Variants in SCN10A observed in about 807,000 individuals in gnomAD.
SCN10A encodes sodium voltage-gated channel alpha subunit 10, also known as sodium channel protein type 10 subunit alpha.
SCN10A carries 162 observed loss-of-function variants against 170.7 expected under a neutral mutation model. The ratio of observed to expected loss-of-function variants is 0.95; its 90% confidence interval spans 0.84 to 1.08. SCN10A has a LOEUF of 1.08. Among genes scored for constraint, SCN10A ranks in the 50% least tolerant of loss-of-function variants. The probability of loss-of-function intolerance (pLI) is 0.00; values close to 1 mark genes in which losing one functional copy is unlikely to be tolerated. For missense variants in SCN10A, 2,527 were observed against 2,436.9 expected (o/e 1.04, Z -0.78); for synonymous variants, 985 against 904.6 (o/e 1.09, Z -1.59).
chr3:38,787,778 C>T (rs576447789), intron 4 of SCN10A, among the ~76,000 whole-genome samples: 163 of 152,148 alleles, frequency 1.1e-3, no homozygotes, highest in African/African-American at 3.5e-3. Flanking sequence ...CCCTTCAACC[C>T]GTCATTTACA....
intron 5 of SCN10A, among the ~76,000 whole-genome samples, chr3:38,767,458 A>G (rs1403214134): frequency 1.3e-5 from 2 of 151,998 alleles, no homozygotes; most frequent in Admixed American, 1.3e-4. Context: ...ATTCAGTTCA[A>G]AAAATTTTTA....
At chr3:38,805,360 C>T (rs977560252) in intron 1 of SCN10A, among the ~76,000 whole-genome samples, 8 of 152,108 alleles carry the variant, frequency 5.3e-5, no homozygotes, top group African/African-American at 1.9e-4. Flanking sequence ...TTCTCTAATA[C>T]ATGGAACAAA....
At chr3:38,709,356 A>G in intron 25 of SCN10A, 122 bp downstream of exon 25, 1 of 1,004,634 alleles carries the variant, frequency 1.0e-6, no homozygotes. Context: ...GTTAGCACTG[A>G]TATTAAAGTG....
At chr3:38,735,284 A>G (rs757338538) in intron 15 of SCN10A, among the ~76,000 whole-genome samples, 3 of 152,180 alleles carry the variant, frequency 2.0e-5, no homozygotes, top group Non-Finnish European at 4.4e-5. Flanking sequence ...ATTAGAATTA[A>G]TAAGAGACAT....
intron 4 of SCN10A, among the ~76,000 whole-genome samples, chr3:38,788,146 C>T (rs73064557): frequency 0.1 from 15,058 of 146,678 alleles, 861 homozygotes; most frequent in Non-Finnish European, 0.12. Flanking sequence ...CTATGTGATC[C>T]TTTTCCTTTA....
chr3:38,765,609 G>A (rs7644332), intron 5 of SCN10A, among the ~76,000 whole-genome samples: 13,934 of 151,866 alleles, frequency 0.092, 942 homozygotes, highest in African/African-American at 0.19. Context: ...TTTTGGTACA[G>A]GCTATACTAT....
intron 4 of SCN10A, among the ~76,000 whole-genome samples, chr3:38,772,361 A>T (rs1009488841): frequency 6.6e-6 from 1 of 151,676 alleles, no homozygotes; most frequent in Non-Finnish European, 1.5e-5. Context: ...AAAGAAAAAG[A>T]GACAATAAAG....
At chr3:38,786,764 AT>A (rs1236709703) in intron 4 of SCN10A, among the ~76,000 whole-genome samples, 1 of 152,102 alleles carries the variant, frequency 6.6e-6, no homozygotes, top group Admixed American at 6.6e-5. Context: ...CTTCAGCATC[AT>A]TTTTTGAAGA....
intron 25 of SCN10A, 116 bp downstream of exon 25, chr3:38,709,362 A>G: frequency 9.4e-7 from 1 of 1,061,744 alleles, no homozygotes. Context: ...ACTGATATTA[A>G]AGTGATGGGC....
chr3:38,715,446 C>A (rs752579270), intron 21 of SCN10A, among the ~76,000 whole-genome samples: 3 of 152,236 alleles, frequency 2.0e-5, no homozygotes, highest in Non-Finnish European at 4.4e-5. Context: ...TTATCACCCT[C>A]AGGATAAACT....
intron 13 of SCN10A, among the ~76,000 whole-genome samples, chr3:38,747,575 C>A (rs2063704770): frequency 6.6e-6 from 1 of 152,190 alleles, no homozygotes; most frequent in Admixed American, 6.5e-5. Flanking sequence ...ACTGAAGCTC[C>A]AAGGTCACAC....
chr3:38,721,469 T>C (rs1280152806), intron 20 of SCN10A, among the ~76,000 whole-genome samples: 1 of 152,218 alleles, frequency 6.6e-6, no homozygotes, highest in Non-Finnish European at 1.5e-5. Context: ...CCTTGGTCTA[T>C]TGGCGGAGTA....
At chr3:38,793,197 T>C (rs572821828) in intron 2 of SCN10A, among the ~76,000 whole-genome samples, 1 of 152,190 alleles carries the variant, frequency 6.6e-6, no homozygotes, top group South Asian at 2.1e-4. Context: ...CCCCCATCAA[T>C]AGCCTCTATA....
intron 1 of SCN10A, among the ~76,000 whole-genome samples, chr3:38,815,311 A>G (rs1188334248): frequency 6.6e-6 from 1 of 152,212 alleles, no homozygotes; most frequent in East Asian, 1.9e-4. Context: ...ATCTGAAAAC[A>G]AAAGTTTCTC....
intron 14 of SCN10A, among the ~76,000 whole-genome samples, chr3:38,741,136 C>T (rs896043768): frequency 5.3e-5 from 8 of 152,164 alleles, no homozygotes; most frequent in Non-Finnish European, 7.3e-5. Flanking sequence ...TCCCCCTCCA[C>T]CTAAGTCTGC....
intron 4 of SCN10A, among the ~76,000 whole-genome samples, chr3:38,781,368 T>C (rs2064136720): frequency 6.6e-6 from 1 of 151,994 alleles, no homozygotes; most frequent in Admixed American, 6.6e-5. Flanking sequence ...GTTCAGCAAA[T>C]CGATGAGATG....
At position 38,768,793 on chromosome 3, in the gene SCN10A, T is replaced by C. The variant is rs537935929; in HGVS notation, c.599+2486A>G. Among the ~76,000 whole-genome samples, 53 of 152,346 alleles carry C rather than the reference T, an allele frequency of 3.5e-4. No homozygotes were observed. In the Middle Eastern group the frequency reaches 0.01, roughly 29 times the overall value. Reference sequence around the variant, plus strand: ...TTTGAGCTTCTTGTATTTGGATATCTATATTTCTAACAAGGCCAGGGAAGT... The same window carrying C: ...TTTGAGCTTCTTGTATTTGGATATCCATATTTCTAACAAGGCCAGGGAAGT... On this transcript the variant is annotated intron_variant, in intron 5 of 27. Transcript: ENST00000449082.
intron 15 of SCN10A, among the ~76,000 whole-genome samples, chr3:38,737,832 C>CTTTCTTTT (rs373851282): frequency 0.01 from 722 of 70,220 alleles, 15 homozygotes; most frequent in African/African-American, 0.033. Flanking sequence ...TTCTTTCTTT[C>CTTTCTTTT]TCTTTCTTCT....
intron 14 of SCN10A, among the ~76,000 whole-genome samples, chr3:38,741,847 T>C (rs767984404): frequency 1.1e-4 from 17 of 152,206 alleles, no homozygotes; most frequent in African/African-American, 2.7e-4. Context: ...AGTGACAACA[T>C]TGAAAATCGT....
Sources: allele counts gnomAD v4.1 joint callset (sites outside exome capture counted in the v4.1 genomes callset), GRCh38; gene constraint gnomAD v4.1.1; transcripts MANE v1.5; gene names NCBI Gene and HGNC (gene_info 2026-07-23, HGNC 2026-07-21).